The following PAX7 variants were observed in gnomAD, a reference collection of about 807,000 sequenced individuals.
The protein encoded by PAX7 is paired box 7.
Under a neutral mutation model 50.7 loss-of-function variants are expected in PAX7, and 18 were observed. The observed-to-expected ratio is 0.36, with a 90% CI of 0.25 to 0.53. PAX7 has a LOEUF of 0.53. Among genes scored for constraint, PAX7 ranks in the 20% least tolerant of loss-of-function variants. PAX7 has a pLI of 0.93. For missense variants in PAX7, 644 were observed against 702.9 expected, an observed-to-expected ratio of 0.92 and a Z score of 0.95; for synonymous variants, 310 against 290.4, an observed-to-expected ratio of 1.07 and a Z score of -0.69.
rs139702125 is a variant in PAX7, at chr1:18,746,309, G to A, written c.*1380G>A. On this transcript the variant is annotated 3_prime_UTR_variant, in exon 9 of 9. Coordinates refer to ENST00000420770, the MANE Select transcript of PAX7 (RefSeq NM_001135254.2). Reference sequence around the variant, plus strand: ...CCAGTTTTCAAGCTACCAGCCCTGGGCAGAGGAAGATGTCAACAATTCCAG... The same window carrying A: ...CCAGTTTTCAAGCTACCAGCCCTGGACAGAGGAAGATGTCAACAATTCCAG... 2 of 229,932 alleles carry A rather than the reference G, an allele frequency of 8.7e-6. No individual in the cohort carries two copies. The highest frequency in any genetic ancestry group is 5.7e-5 in the Admixed American group (1 of 17,664). 14.2% of individuals were successfully genotyped at this position (229,932 alleles called of 1,614,324 possible). A position where few individuals can be genotyped will look rare whatever the true frequency, so the allele number is the denominator to read the frequency against.
chr1:18,744,709 G>GATAAATGGATGGATGGATGT (rs1345225681), intron 8 of PAX7, 105 bp from the exon 9 acceptor site: 1 of 627,780 alleles, frequency 1.6e-6, no homozygotes, highest in Non-Finnish European at 3.0e-6. Context: ...TGGATGGATG[G>GATAAATGGATGGATGGATGT]ATGGATGGAT....
Position 18,631,397 on chromosome 1 carries a change from A to C in PAX7, c.-207A>C. 1 of 570,868 alleles carries C rather than the reference A, an allele frequency of 1.8e-6. No individual in the cohort carries two copies. The highest frequency in any genetic ancestry group is 2.9e-5 in the East Asian group (1 of 35,002). 35.4% of individuals were successfully genotyped at this position (570,868 alleles called of 1,614,324 possible). ...CTTCCCTCCCCCCAACCTCCACCCC[A>C]CCTCACCCCCCTCCCCAGCTTCTGG... On this transcript the variant is annotated 5_prime_UTR_variant, in exon 1 of 9. Transcript: ENST00000420770.
rs1335348513 is a variant in PAX7, at chr1:18,700,520, C to T, written c.787-133C>T. On this transcript the variant is annotated intron_variant, in intron 5 of 8. Coordinates refer to ENST00000420770, the MANE Select transcript of PAX7 (RefSeq NM_001135254.2). This position sits in a 1 kb window ranked among gnomAD's most constrained non-coding sequence, Gnocchi z 4.8. ...ACTCTGCAAAGCGTCCTGTGCTGCA[C>T]AATGCCGGGGCCTGCAGGAGGATGC... The T allele has an allele frequency of 2.3e-5, 18 of 773,504 alleles. No individual in the cohort carries two copies. Among genetic ancestry groups the T allele is most frequent in the Admixed American group, 6.0e-5 (2 of 33,598 alleles). 47.9% of individuals were successfully genotyped at this position (773,504 alleles called of 1,614,324 possible).
chr1:18,685,383 A>G (rs1264572058), intron 4 of PAX7, among the ~76,000 whole-genome samples: 1 of 152,226 alleles, frequency 6.6e-6, no homozygotes, highest in Non-Finnish European at 1.5e-5. Context: ...TTTATTGAGC[A>G]CATGCTGTGT....
intron 7 of PAX7, among the ~76,000 whole-genome samples, chr1:18,703,497 C>A (rs890715514): frequency 6.6e-6 from 1 of 152,266 alleles, no homozygotes; most frequent in Non-Finnish European, 1.5e-5. Flanking sequence ...TCCTGAAAGG[C>A]AGGACCATGT....
At chr1:18,713,439 G>A (rs2089380033) in intron 7 of PAX7, among the ~76,000 whole-genome samples, 1 of 152,202 alleles carries the variant, frequency 6.6e-6, no homozygotes, top group African/African-American at 2.4e-5. Context: ...AGCAGGCCTG[G>A]TGAGACACAG....
intron 4 of PAX7, among the ~76,000 whole-genome samples, chr1:18,684,237 C>T (rs1194228433): frequency 1.3e-5 from 2 of 152,174 alleles, no homozygotes; most frequent in African/African-American, 4.8e-5. Flanking sequence ...AACAGGGACT[C>T]GGGATCTCCT....
At chr1:18,733,991 G>A (rs1200961817) in intron 7 of PAX7, among the ~76,000 whole-genome samples, 1 of 152,152 alleles carries the variant, frequency 6.6e-6, no homozygotes, top group Non-Finnish European at 1.5e-5. Context: ...TAACTGCTCA[G>A]GGATACTCCC....
chr1:18,716,504 G>T (rs77762477), intron 7 of PAX7, among the ~76,000 whole-genome samples: 782 of 50,106 alleles, frequency 0.016, 8 homozygotes, highest in African/African-American at 0.04. Flanking sequence ...GTTGTTTTTT[G>T]TTTTTTGTTT....
intron 8 of PAX7, among the ~76,000 whole-genome samples, chr1:18,742,429 T>C (rs190358052): frequency 6.6e-6 from 1 of 152,288 alleles, no homozygotes; most frequent in Admixed American, 6.5e-5. Context: ...GTGCTGGGAT[T>C]ACAGGCATGA....
At chr1:18,637,143 T>C (rs1399817011) in intron 4 of PAX7, among the ~76,000 whole-genome samples, 2 of 152,096 alleles carry the variant, frequency 1.3e-5, no homozygotes, top group East Asian at 3.9e-4. Flanking sequence ...TTTCTCAGGA[T>C]CAGCTAAGGA....
intron 3 of PAX7, among the ~76,000 whole-genome samples, chr1:18,635,628 G>T (rs911538502): frequency 1.3e-5 from 2 of 152,080 alleles, no homozygotes; most frequent in Admixed American, 1.3e-4. Context: ...CCCCCTGGAG[G>T]CTTTTTCGGA....
intron 8 of PAX7, among the ~76,000 whole-genome samples, chr1:18,743,004 G>A (rs1931229818): frequency 6.6e-6 from 1 of 152,188 alleles, no homozygotes. Context: ...AGGTAACTGG[G>A]ACTGCAGCCA....
chr1:18,642,619 C>A (rs1034947158), intron 4 of PAX7, among the ~76,000 whole-genome samples: 1 of 152,060 alleles, frequency 6.6e-6, no homozygotes, highest in Non-Finnish European at 1.5e-5. Flanking sequence ...TTTTGCTGTC[C>A]GGGGCCTTCC....
intron 4 of PAX7, among the ~76,000 whole-genome samples, chr1:18,650,737 A>G (rs565225606): frequency 6.6e-6 from 1 of 152,310 alleles, no homozygotes; most frequent in East Asian, 1.9e-4. Context: ...CCTGTTGCAT[A>G]GCAAACGGAG....
chr1:18,725,197 G>A (rs889607253), intron 7 of PAX7, among the ~76,000 whole-genome samples: 1 of 152,062 alleles, frequency 6.6e-6, no homozygotes, highest in Non-Finnish European at 1.5e-5. Flanking sequence ...GTTGTGATAT[G>A]TGCCAGCTTG....
At chr1:18,656,391 C>T (rs1048115855) in intron 4 of PAX7, among the ~76,000 whole-genome samples, 1 of 152,126 alleles carries the variant, frequency 6.6e-6, no homozygotes, top group Admixed American at 6.5e-5. Flanking sequence ...CCCAGCTACT[C>T]GGGAGGCTGA....
chr1:18,724,737 T>C (rs774617797), intron 7 of PAX7, among the ~76,000 whole-genome samples: 6 of 152,236 alleles, frequency 3.9e-5, no homozygotes, highest in Non-Finnish European at 8.8e-5. Flanking sequence ...TTTAGCTTTC[T>C]AGAGCCTCCG....
intron 4 of PAX7, among the ~76,000 whole-genome samples, chr1:18,679,922 T>A (rs535858845): frequency 6.6e-6 from 1 of 152,310 alleles, no homozygotes; most frequent in Non-Finnish European, 1.5e-5. Flanking sequence ...AGGTCCACAC[T>A]ACATGGAGGG....
Sources: gnomAD v4.1 joint callset for allele counts (sites outside exome capture counted in the v4.1 genomes callset) on GRCh38, gnomAD v4.1.1 for gene constraint, Gnocchi (gnomAD v3.1) non-coding constraint, MANE v1.5 for transcripts, NCBI Gene and HGNC (gene_info 2026-07-23, HGNC 2026-07-21) for gene names.